Variants in EDIL3 observed in about 807,000 individuals in gnomAD.
EDIL3 encodes EGF like and discoidin domains 3, also known as EGF-like repeat and discoidin I-like domain-containing protein 3.
EDIL3 carries 37 observed loss-of-function variants against 67.4 expected under a neutral mutation model. That is an observed-to-expected ratio of 0.55 (90% confidence interval 0.42 to 0.72). EDIL3 has a LOEUF of 0.72. Among genes scored for constraint, EDIL3 ranks in the 30% least tolerant of loss-of-function variants. The pLI is 0.00. For synonymous variants in EDIL3, 195 were observed against 196.3 expected (o/e 0.99, Z 0.05); for missense variants, 527 against 586.3 (o/e 0.90, Z 1.04).
intron 9 of EDIL3, among the ~76,000 whole-genome samples, chr5:84,039,699 A>G (rs975024142): frequency 1.3e-5 from 2 of 152,188 alleles, no homozygotes; most frequent in Non-Finnish European, 2.9e-5. Flanking sequence ...AGAAATGTCT[A>G]TCAACTTTGA....
In EDIL3 at chr5:84,030,319, G is replaced by A. The variant is rs184891086; in HGVS notation, c.1137+29981C>T. On this transcript the variant is annotated intron_variant, in intron 9 of 10. Coordinates refer to ENST00000296591, the MANE Select transcript of EDIL3 (RefSeq NM_005711.5). ...CATAAGTTCTTTAAAAATTAATTAC[G>A]TTTCTCAGAAAGATCAAAGCATTGA... is the stretch of plus-strand genomic sequence containing the variant. Among the ~76,000 whole-genome samples, 15 of 152,106 alleles carry A rather than the reference G, an allele frequency of 9.9e-5. No individual in the cohort carries two copies. The East Asian group carries it at 1.7e-3, about 18-fold the overall frequency.
At chr5:84,236,644 G>C (rs1053195647) in intron 2 of EDIL3, among the ~76,000 whole-genome samples, 1 of 152,020 alleles carries the variant, frequency 6.6e-6, no homozygotes, top group African/African-American at 2.4e-5. Flanking sequence ...TCCCAAGCTG[G>C]ACATTATTCT....
intron 5 of EDIL3, among the ~76,000 whole-genome samples, chr5:84,107,402 C>A (rs1425886491): frequency 6.6e-6 from 1 of 151,390 alleles, no homozygotes; most frequent in Admixed American, 6.6e-5. Flanking sequence ...TTATAATACC[C>A]CATGATATAT....
chr5:84,131,100 G>A (rs2112308324), intron 5 of EDIL3, among the ~76,000 whole-genome samples: 1 of 151,354 alleles, frequency 6.6e-6, no homozygotes, highest in Admixed American at 6.6e-5. Context: ...AGATATACAG[G>A]TATTTTTTTT....
At chr5:84,323,748 C>A (rs186248002) in intron 1 of EDIL3, among the ~76,000 whole-genome samples, 39 of 151,652 alleles carry the variant, frequency 2.6e-4, no homozygotes, top group South Asian at 8.3e-4. Context: ...ACATTGTAAC[C>A]AAAAGAGAGC....
intron 9 of EDIL3, among the ~76,000 whole-genome samples, chr5:83,988,406 C>T (rs1481427310): frequency 1.3e-5 from 2 of 152,046 alleles, no homozygotes; most frequent in African/African-American, 4.8e-5. Flanking sequence ...TAAAATTTTG[C>T]TTCCATAAGT....
chr5:84,199,541 T>G (rs1743787190), intron 3 of EDIL3, among the ~76,000 whole-genome samples: 2 of 151,930 alleles, frequency 1.3e-5, no homozygotes, highest in Non-Finnish European at 2.9e-5. Flanking sequence ...AAGAGAAACA[T>G]AGAGACCAGG....
At chr5:84,129,925 G>A (rs755806265) in intron 5 of EDIL3, among the ~76,000 whole-genome samples, 6 of 152,120 alleles carry the variant, frequency 3.9e-5, no homozygotes, top group Non-Finnish European at 8.8e-5. Flanking sequence ...GCTATCACAT[G>A]TTGGTTAAAT....
chr5:84,055,522 A>T (rs1357248112), intron 9 of EDIL3, among the ~76,000 whole-genome samples: 2 of 151,420 alleles, frequency 1.3e-5, no homozygotes, highest in Non-Finnish European at 2.9e-5. Context: ...TGAACAGGCA[A>T]CCTACAGAAT....
At chr5:83,971,271 C>T (rs73142000) in intron 9 of EDIL3, among the ~76,000 whole-genome samples, 20,607 of 150,092 alleles carry the variant, frequency 0.14, 2,631 homozygotes, top group African/African-American at 0.34. Flanking sequence ...AAAAAATATC[C>T]TTTTTTCTTT....
Position 84,122,381 on chromosome 5 carries a change from C to CT in EDIL3, c.469+14859dup, listed in dbSNP as rs574922979. Among the ~76,000 whole-genome samples the CT allele has an allele frequency of 2.2e-4, 34 of 152,016 alleles. No homozygotes were observed. In the South Asian group the frequency reaches 3.5e-3, roughly 16 times the overall value. On this transcript the variant is annotated intron_variant, in intron 5 of 10. Transcript: ENST00000296591. ...GTATCTTTTTATTATTATTATTATA[C>CT]TTTAAGTTCTAGGGTACATGTGCAC...
intron 10 of EDIL3, among the ~76,000 whole-genome samples, chr5:83,952,913 G>A (rs1744445988): frequency 6.6e-6 from 1 of 151,818 alleles, no homozygotes; most frequent in Non-Finnish European, 1.5e-5. Flanking sequence ...GAACACAGAA[G>A]TGATTTAAGC....
intron 1 of EDIL3, among the ~76,000 whole-genome samples, chr5:84,316,775 A>C (rs112863203): frequency 0.089 from 13,529 of 152,150 alleles, 750 homozygotes; most frequent in South Asian, 0.2. Context: ...AGACATCTAC[A>C]GAACTCTCCA....
intron 3 of EDIL3, among the ~76,000 whole-genome samples, chr5:84,216,189 G>C: frequency 6.6e-6 from 1 of 152,218 alleles, no homozygotes; most frequent in Non-Finnish European, 1.5e-5. Context: ...CAGGAAGCCT[G>C]TAAGAGGAGC....
chr5:84,376,427 C>T (rs564286337), intron 1 of EDIL3, among the ~76,000 whole-genome samples: 1 of 152,204 alleles, frequency 6.6e-6, no homozygotes, highest in Admixed American at 6.5e-5. Context: ...AACCTTGCAC[C>T]TAAAAAAGGG....
At chr5:84,175,815 C>A (rs1286543145) in intron 4 of EDIL3, among the ~76,000 whole-genome samples, 1 of 152,028 alleles carries the variant, frequency 6.6e-6, no homozygotes, top group Non-Finnish European at 1.5e-5. Flanking sequence ...ACTGAAGGAT[C>A]ATATGGATGT....
chr5:84,296,475 C>A (rs1240026431), intron 1 of EDIL3, among the ~76,000 whole-genome samples: 1 of 152,066 alleles, frequency 6.6e-6, no homozygotes, highest in Non-Finnish European at 1.5e-5. Context: ...CTAAATCTTC[C>A]ATCTAAAATG....
At chr5:84,301,545 C>T (rs1348020024) in intron 1 of EDIL3, among the ~76,000 whole-genome samples, 1 of 152,150 alleles carries the variant, frequency 6.6e-6, no homozygotes, top group East Asian at 1.9e-4. Context: ...TCAGCTCCTT[C>T]TTGCTAAAGT....
chr5:84,344,829 C>G (rs571045453), intron 1 of EDIL3, among the ~76,000 whole-genome samples: 19 of 151,990 alleles, frequency 1.3e-4, no homozygotes, highest in African/African-American at 3.6e-4. Flanking sequence ...ATAAATGGAG[C>G]CACCTTAGAC....
Sources: allele counts gnomAD v4.1 joint callset (sites outside exome capture counted in the v4.1 genomes callset), GRCh38; gene constraint gnomAD v4.1.1; transcripts MANE v1.5; gene names NCBI Gene and HGNC (gene_info 2026-07-23, HGNC 2026-07-21).